CD96: variants seen among roughly 807,000 people sequenced by gnomAD.
The protein encoded by CD96 is T-cell surface protein tactile.
In CD96, 70 loss-of-function variants were observed where a neutral mutation model predicts 71.3. The ratio of observed to expected loss-of-function variants is 0.98; its 90% CI spans 0.81 to 1.20. CD96 has a LOEUF of 1.20. CD96 is among the 50% of genes most tolerant of loss of function. CD96 has a pLI of 0.00. For missense variants in CD96, 742 were observed against 677.5 expected, an observed-to-expected ratio of 1.10 and a Z score of -1.06; for synonymous variants, 248 against 233.0, an observed-to-expected ratio of 1.06 and a Z score of -0.59.
intron 2 of CD96, among the ~76,000 whole-genome samples, chr3:111,565,213 C>T (rs1345221825): frequency 1.3e-5 from 2 of 152,108 alleles, no homozygotes; most frequent in Non-Finnish European, 2.9e-5. Flanking sequence ...GTTGATCTTC[C>T]TCTGTTTCTG....
intron 5 of CD96, chr3:111,593,660 A>G: frequency 6.2e-7 from 1 of 1,609,642 alleles, no homozygotes; most frequent in Non-Finnish European, 8.5e-7. Flanking sequence ...CACCTCCTCC[A>G]GGGCTCGCTC....
chr3:111,656,981 T>C (rs1217889582), downstream of CD96, among the ~76,000 whole-genome samples: 1 of 151,768 alleles, frequency 6.6e-6, no homozygotes, highest in African/African-American at 2.4e-5. Context: ...TAGTATTCTA[T>C]GTATTAAAAT....
intron 3 of CD96, 47 bp downstream of exon 3, chr3:111,567,694 T>A: frequency 6.5e-7 from 1 of 1,541,216 alleles, no homozygotes; most frequent in Non-Finnish European, 9.0e-7. Context: ...TCTTTAAACA[T>A]TAACGAAGTA....
Position 111,546,172 on chromosome 3 carries a change from A to G in CD96, c.418+770A>G, listed in dbSNP as rs138442876. Among the ~76,000 whole-genome samples the G allele has an allele frequency of 2.0e-3, 310 of 152,266 alleles. 1 individual carries two copies. The highest frequency in any genetic ancestry group is 3.5e-3 in the South Asian group (17 of 4,828). On this transcript the variant is annotated intron_variant, in intron 2 of 13. Transcript: ENST00000352690. ...TTTGTTCATTGGGCATAAAACAGAT[A>G]TGATCATAGAGAGAATATAAGACAA...
chr3:111,631,225 C>T (rs1447948210), intron 10 of CD96, among the ~76,000 whole-genome samples: 2 of 152,196 alleles, frequency 1.3e-5, no homozygotes, highest in Non-Finnish European at 2.9e-5. Flanking sequence ...TTGCAGATGA[C>T]ATGATTCTAT....
At chr3:111,618,278 G>A (rs1365350256) in intron 8 of CD96, among the ~76,000 whole-genome samples, 1 of 152,188 alleles carries the variant, frequency 6.6e-6, no homozygotes, top group African/African-American at 2.4e-5. Context: ...AGGTGCCACT[G>A]GCCACAGAAT....
chr3:111,599,518 G>A (rs530214480), intron 6 of CD96, among the ~76,000 whole-genome samples: 20 of 151,968 alleles, frequency 1.3e-4, no homozygotes, highest in Non-Finnish European at 2.6e-4. Context: ...TTAGGAGTTC[G>A]AGACCAGCCT....
intron 2 of CD96, among the ~76,000 whole-genome samples, chr3:111,552,318 T>A (rs1934754845): frequency 1.3e-5 from 2 of 152,060 alleles, no homozygotes; most frequent in African/African-American, 2.4e-5. Flanking sequence ...TTCTGCCATG[T>A]GGGGAGCAGC....
intron 5 of CD96, chr3:111,594,105 C>A (rs753801559): frequency 6.2e-7 from 1 of 1,614,010 alleles, no homozygotes; most frequent in Non-Finnish European, 8.5e-7. Flanking sequence ...CCAACCAGTT[C>A]TCCTGTCTCA....
At chr3:111,643,087 A>AAAAG (rs1939668992) in intron 12 of CD96, among the ~76,000 whole-genome samples, 1 of 151,644 alleles carries the variant, frequency 6.6e-6, no homozygotes, top group Admixed American at 6.6e-5. Flanking sequence ...AAAAAAAAAA[A>AAAAG]AAACTAGCTA....
intron 12 of CD96, among the ~76,000 whole-genome samples, chr3:111,644,513 A>C (rs1939737505): frequency 6.6e-6 from 1 of 152,134 alleles, no homozygotes; most frequent in Non-Finnish European, 1.5e-5. Context: ...AATGCAATAA[A>C]AACAAAGATA....
Position 111,606,722 on chromosome 3 carries a change from C to A in CD96, c.1110C>A (p.Asp370Glu). The stretch of plus-strand genomic sequence containing the variant: ...AAGGTTCTGAAATTTCCTCAACAGA[C>A]CCTCCACTGAGTGTTACAGAATCTA... The part of the protein sequence containing the change: ...FLLGSEISST[D>E]PPLSVTESTL... Residue 370 changes from aspartate to glutamate, a missense_variant, in exon 8 of 14, where the codon GAC (aspartate) becomes GAA (glutamate). Asp to Glu is a conservative substitution (Grantham distance 45). Transcript: ENST00000352690. The A allele has an allele frequency of 6.3e-7, 1 of 1,592,164 alleles. No homozygotes were observed. Among genetic ancestry groups the A allele is most frequent in the South Asian group, 1.1e-5 (1 of 90,584 alleles).
intron 1 of CD96, 74 bp downstream of exon 1, chr3:111,542,383 T>A: frequency 1.6e-6 from 1 of 617,776 alleles, no homozygotes; most frequent in East Asian, 3.4e-5. Flanking sequence ...TCATTTAAAA[T>A]GCCTTGTGAC....
At chr3:111,636,839 G>T (rs1019464063) in intron 10 of CD96, among the ~76,000 whole-genome samples, 1 of 152,074 alleles carries the variant, frequency 6.6e-6, no homozygotes, top group Non-Finnish European at 1.5e-5. Flanking sequence ...TTGACTAAAC[G>T]CCGCCATAAC....
chr3:111,642,285 A>G (rs942949093), intron 12 of CD96, among the ~76,000 whole-genome samples: 3 of 152,236 alleles, frequency 2.0e-5, no homozygotes, highest in African/African-American at 7.2e-5. Flanking sequence ...AAATCCAAAT[A>G]ACCTAATTAA....
At chr3:111,612,249 G>A (rs971872436) in intron 8 of CD96, among the ~76,000 whole-genome samples, 3 of 152,152 alleles carry the variant, frequency 2.0e-5, no homozygotes, top group African/African-American at 7.2e-5. Flanking sequence ...TCACGAAGGT[G>A]GTTAAAAAAA....
At chr3:111,600,980 T>A in intron 7 of CD96, 66 bp downstream of exon 7, 2 of 1,003,536 alleles carry the variant, frequency 2.0e-6, no homozygotes, top group Non-Finnish European at 3.2e-6. Flanking sequence ...AAAATATCTT[T>A]AATGGGAAGA....
At chr3:111,645,869 A>G in intron 12 of CD96, among the ~76,000 whole-genome samples, 1 of 152,162 alleles carries the variant, frequency 6.6e-6, no homozygotes, top group East Asian at 1.9e-4. Flanking sequence ...ACTGTCTTCA[A>G]CACTTCTAAC....
chr3:111,649,196 A>G (rs1264413194), intron 13 of CD96, among the ~76,000 whole-genome samples: 2 of 152,216 alleles, frequency 1.3e-5, no homozygotes, highest in Non-Finnish European at 2.9e-5. Flanking sequence ...ATTTTAATCC[A>G]CATAAAAGAA....
Sources: gnomAD v4.1 joint callset for allele counts (sites outside exome capture counted in the v4.1 genomes callset) on GRCh38, gnomAD v4.1.1 for gene constraint, MANE v1.5 for transcripts, NCBI Gene and HGNC (gene_info 2026-07-23, HGNC 2026-07-21) for gene names.